PRRX2: variants seen among roughly 807,000 people sequenced by gnomAD.
PRRX2 encodes the protein paired related homeobox 2, also known as paired mesoderm homeobox protein 2.
In PRRX2, 11 loss-of-function variants were observed where a neutral mutation model predicts 18.0. That is an observed-to-expected ratio of 0.61 (90% CI 0.39 to 1.01). The LOEUF is 1.01. Among genes scored for constraint, PRRX2 ranks in the 50% least tolerant of loss-of-function variants. The pLI is 0.01. For synonymous variants in PRRX2, 177 were observed against 154.8 expected (o/e 1.14, Z -1.06); for missense variants, 387 against 351.0 (o/e 1.10, Z -0.82).
chr9:129,716,130 G>A (rs1408647445), intron 1 of PRRX2, among the ~76,000 whole-genome samples: 2 of 152,198 alleles, frequency 1.3e-5, no homozygotes, highest in African/African-American at 4.8e-5. Context: ...AGTTATACGA[G>A]GGAATTTGGC....
chr9:129,707,836 G>C (rs1832575545), intron 1 of PRRX2, among the ~76,000 whole-genome samples: 1 of 151,956 alleles, frequency 6.6e-6, no homozygotes, highest in African/African-American at 2.4e-5. Flanking sequence ...ATTGTGTACA[G>C]GTTTTTGTGT....
At chr9:129,718,550 G>T (rs1323174668) in intron 1 of PRRX2, 1 of 152,310 alleles carries the variant, frequency 6.6e-6, no homozygotes, top group East Asian at 1.9e-4. Flanking sequence ...TGGCTAAAAA[G>T]GAGAAGATGA....
intron 1 of PRRX2, among the ~76,000 whole-genome samples, chr9:129,690,601 G>C (rs1206452781): frequency 1.3e-5 from 2 of 151,650 alleles, no homozygotes; most frequent in Admixed American, 1.3e-4. Flanking sequence ...CCGCCTCCTG[G>C]GTTCAAGCGA....
intron 1 of PRRX2, among the ~76,000 whole-genome samples, chr9:129,698,386 GAGGGCTTGCCC>G (rs1056227205): frequency 4.1e-4 from 63 of 152,276 alleles, no homozygotes; most frequent in African/African-American, 1.5e-3. Context: ...CTGCAGAGAA[GAGGGCTTGCCC>G]AGGGCTTGGG....
At chr9:129,669,214 T>G (rs1832068834) in intron 1 of PRRX2, among the ~76,000 whole-genome samples, 1 of 152,032 alleles carries the variant, frequency 6.6e-6, no homozygotes, top group Non-Finnish European at 1.5e-5. Context: ...TAAAGCCCGC[T>G]ACTGCCAATG....
At position 129,720,713 on chromosome 9, in the gene PRRX2, G is replaced by T. The variant is rs772733281; in HGVS notation, c.565G>T (p.Ala189Ser). Residue 189 changes from alanine (A) to serine (S), a missense_variant, in exon 3 of 4, where the codon GCT becomes TCT. Coordinates refer to ENST00000372469, the MANE Select transcript of PRRX2 (RefSeq NM_016307.4). ...GGAGGCCGCCATCGAGCAGCCCGTG[G>T]CTCCCCGGCCCACCGCCCTGAGTCC... ...SQEAAIEQPV[A>S]PRPTALSPDY... is the part of the protein sequence containing the mutation. The T allele has an allele frequency of 6.2e-7, 1 of 1,612,738 alleles. No homozygotes were observed. Among genetic ancestry groups the T allele is most frequent in the Non-Finnish European group, 8.5e-7 (1 of 1,179,578 alleles).
At chr9:129,688,520 G>A (rs1431348506) in intron 1 of PRRX2, among the ~76,000 whole-genome samples, 1 of 152,134 alleles carries the variant, frequency 6.6e-6, no homozygotes, top group Non-Finnish European at 1.5e-5. Context: ...CCGCAAACAC[G>A]CAGTAGCACA....
intron 1 of PRRX2, among the ~76,000 whole-genome samples, chr9:129,694,699 GT>G (rs1226652690): frequency 1.3e-5 from 2 of 152,188 alleles, no homozygotes; most frequent in African/African-American, 2.4e-5. Flanking sequence ...CACAGATCCT[GT>G]TTCTTCCTCT....
chr9:129,720,310 G>C (rs1294653510), intron 2 of PRRX2, among the ~76,000 whole-genome samples: 1 of 151,600 alleles, frequency 6.6e-6, no homozygotes, highest in South Asian at 2.1e-4. Flanking sequence ...CTTTCCCCGC[G>C]AGTGCTCAGC....
intron 2 of PRRX2, 126 bp downstream of exon 2, chr9:129,719,544 G>C (rs929735103): frequency 8.2e-7 from 1 of 1,224,120 alleles, no homozygotes; most frequent in East Asian, 2.9e-5. Context: ...CCAGGAGGAC[G>C]GGGGTTCAGA....
At chr9:129,694,570 G>A (rs973818044) in intron 1 of PRRX2, among the ~76,000 whole-genome samples, 1 of 152,208 alleles carries the variant, frequency 6.6e-6, no homozygotes, top group African/African-American at 2.4e-5. Flanking sequence ...TGCTCGGCAG[G>A]GAGGCAGCGC....
chr9:129,679,185 G>T (rs1214253095), intron 1 of PRRX2, among the ~76,000 whole-genome samples: 3 of 152,162 alleles, frequency 2.0e-5, no homozygotes, highest in African/African-American at 7.2e-5. Context: ...AGGGCTGTGT[G>T]TCCCAAGTGC....
chr9:129,709,867 C>G lies in PRRX2; in HGVS notation c.260-9364C>G, dbSNP rs1832599573. 6.6e-6 allele frequency among the ~76,000 whole-genome samples: 1 copy of G among 152,096 alleles called. No homozygotes were observed. The highest frequency in any genetic ancestry group is 2.4e-5 in the African/African-American group (1 of 41,420). ...CCCCTGCACAGGAGGGCGGGCTCTG[C>G]AGGCTCACCCGGCCCTTCCCATGCC... On this transcript the variant is annotated intron_variant, in intron 1 of 3. Coordinates refer to ENST00000372469, the MANE Select transcript of PRRX2 (RefSeq NM_016307.4). The surrounding 1 kb of genome is among the most constrained non-coding windows in gnomAD (Gnocchi z 4.2).
At chr9:129,701,108 A>G (rs1201862278) in intron 1 of PRRX2, among the ~76,000 whole-genome samples, 1 of 152,248 alleles carries the variant, frequency 6.6e-6, no homozygotes, top group African/African-American at 2.4e-5. Context: ...AGACCTAAAT[A>G]TCCCACAAGA....
chr9:129,692,345 C>G (rs1832371076), intron 1 of PRRX2, among the ~76,000 whole-genome samples: 1 of 151,662 alleles, frequency 6.6e-6, no homozygotes, highest in South Asian at 2.1e-4. Flanking sequence ...ACCTCCACCC[C>G]CACCATCCCC....
At chr9:129,711,005 G>A (rs1452982551) in intron 1 of PRRX2, among the ~76,000 whole-genome samples, 5 of 152,196 alleles carry the variant, frequency 3.3e-5, no homozygotes, top group Non-Finnish European at 7.4e-5. Flanking sequence ...AATCCTCGCT[G>A]CCCTGCTGCC....
At chr9:129,701,573 C>T (rs1208450630) in intron 1 of PRRX2, among the ~76,000 whole-genome samples, 1 of 152,194 alleles carries the variant, frequency 6.6e-6, no homozygotes, top group South Asian at 2.1e-4. Flanking sequence ...GAATGGCACC[C>T]CTGAAGTTGT....
chr9:129,665,710 T>A lies in PRRX2; in HGVS notation c.-158T>A, dbSNP rs1042809131. ...AGAAGGGGAGGGCGGAAAGTTTGTT[T>A]CCCCGACGTCAGCGCCGGGCGGGCC... On this transcript the variant is annotated 5_prime_UTR_variant, in exon 1 of 4. Transcript: ENST00000372469. This position sits in a 1 kb window ranked among gnomAD's most constrained non-coding sequence, Gnocchi z 5.3. The A allele has an allele frequency of 1.8e-5, 8 of 438,568 alleles. No individual in the cohort carries two copies. The highest frequency in any genetic ancestry group is 1.7e-4 in the African/African-American group (8 of 46,490). The allele number at this position is 438,568 out of a possible 1,614,324, so 27.2% of individuals were successfully genotyped here.
chr9:129,671,851 G>A lies in PRRX2; in HGVS notation c.259+5725G>A, dbSNP rs1040044187. 6.6e-6 allele frequency among the ~76,000 whole-genome samples: 1 copy of A among 151,210 alleles called. No homozygotes were observed. Among genetic ancestry groups the A allele is most frequent in the African/African-American group, 2.4e-5 (1 of 41,234 alleles). On this transcript the variant is annotated intron_variant, in intron 1 of 3. Transcript: ENST00000372469. This position sits in a 1 kb window ranked among gnomAD's most constrained non-coding sequence, Gnocchi z 4.0. ...TCACAAGTCCAGGCCTCCCTCTCCT[G>A]CACAGTCCTTGGGCTGGAGGAGTCA...
Sources: allele counts gnomAD v4.1 joint callset (sites outside exome capture counted in the v4.1 genomes callset), GRCh38; gene constraint gnomAD v4.1.1; non-coding constraint Gnocchi (gnomAD v3.1); transcripts MANE v1.5; gene names NCBI Gene and HGNC (gene_info 2026-07-23, HGNC 2026-07-21).